CDH4: variants seen among roughly 807,000 people sequenced by gnomAD.
CDH4 encodes the protein cadherin-4.
A neutral mutation model predicts 86.0 loss-of-function variants in CDH4; 33 were observed. That is an observed-to-expected ratio of 0.38 (90% CI 0.29 to 0.51). CDH4 has a LOEUF of 0.51. Ranked by LOEUF, CDH4 falls within the 20% of genes least tolerant of loss-of-function variation. CDH4 has a pLI of 0.86. For synonymous variants in CDH4, 555 were observed against 549.4 expected (o/e 1.01, Z -0.14); for missense variants, 1,114 against 1,307.4 (o/e 0.85, Z 2.28).
chr20:61,542,019 C>T (rs1370819391), intron 2 of CDH4, among the ~76,000 whole-genome samples: 1 of 152,154 alleles, frequency 6.6e-6, no homozygotes, highest in African/African-American at 2.4e-5. Flanking sequence ...ATTTAACTGA[C>T]CTTGAGCCTG....
At chr20:61,314,742 CGGA>C (rs967246146) in intron 2 of CDH4, among the ~76,000 whole-genome samples, 2 of 152,096 alleles carry the variant, frequency 1.3e-5, no homozygotes, top group Non-Finnish European at 2.9e-5. Flanking sequence ...CCAGCAACAG[CGGA>C]GGAGGAGGAG....
At position 61,761,189 on chromosome 20, in the gene CDH4, CAG is replaced by C. The variant is rs561522617; in HGVS notation, c.397-11813_397-11812del. Among the ~76,000 whole-genome samples the C allele has an allele frequency of 1.2e-3, 182 of 152,284 alleles. 1 individual carries two copies. Among genetic ancestry groups the C allele is most frequent in the African/African-American group, 4.2e-3 (175 of 41,562 alleles). ...TTTTTAAAAGAAATCTAATCATCCTCAGTAAATATCCGTACTAGGTTTGACAT... is the reference window on the plus strand; with the variant it reads ...TTTTTAAAAGAAATCTAATCATCCTCTAAATATCCGTACTAGGTTTGACAT... On this transcript the variant is annotated intron_variant, in intron 3 of 15. Transcript: ENST00000614565.
intron 2 of CDH4, among the ~76,000 whole-genome samples, chr20:61,301,044 C>G (rs763576837): frequency 1.3e-5 from 2 of 152,210 alleles, no homozygotes; most frequent in African/African-American, 2.4e-5. Context: ...TCAAAGCTCA[C>G]GACTCTTACC....
At chr20:61,576,829 C>T (rs2086385840) in intron 2 of CDH4, among the ~76,000 whole-genome samples, 1 of 152,208 alleles carries the variant, frequency 6.6e-6, no homozygotes, top group Non-Finnish European at 1.5e-5. Context: ...TGTACCTCTC[C>T]ACAGTTTGTT....
intron 14 of CDH4, 33 bp from the exon 15 acceptor site, chr20:61,934,023 A>G (rs776047766): frequency 6.2e-7 from 1 of 1,607,008 alleles, no homozygotes; most frequent in Admixed American, 1.7e-5. Flanking sequence ...GATTCTTCTG[A>G]TGCCCCTGAC....
intron 11 of CDH4, among the ~76,000 whole-genome samples, chr20:61,925,959 C>T (rs962274665): frequency 5.3e-5 from 8 of 152,224 alleles, no homozygotes; most frequent in Non-Finnish European, 1.0e-4. Flanking sequence ...CCCCCAGCTG[C>T]AAGGGGCGCT....
At chr20:61,719,920 A>C (rs1330720599) in intron 2 of CDH4, among the ~76,000 whole-genome samples, 15 of 152,214 alleles carry the variant, frequency 9.9e-5, no homozygotes. Context: ...TGTGAACAGC[A>C]GAAAAGGTGA....
intron 2 of CDH4, among the ~76,000 whole-genome samples, chr20:61,408,563 G>A (rs73915019): frequency 0.045 from 6,808 of 152,264 alleles, 471 homozygotes; most frequent in African/African-American, 0.16. Context: ...CATTGCCTGT[G>A]TGTAGTGCCC....
At chr20:61,512,704 G>A (rs550831201) in intron 2 of CDH4, among the ~76,000 whole-genome samples, 2 of 152,242 alleles carry the variant, frequency 1.3e-5, no homozygotes, top group Non-Finnish European at 2.9e-5. Flanking sequence ...TTTCTCAGTG[G>A]TGCCTGGGGA....
chr20:61,560,234 A>T (rs972568763), intron 2 of CDH4, among the ~76,000 whole-genome samples: 1 of 152,114 alleles, frequency 6.6e-6, no homozygotes, highest in African/African-American at 2.4e-5. Flanking sequence ...AGGCCCGGGT[A>T]GCAGATTTAA....
intron 2 of CDH4, among the ~76,000 whole-genome samples, chr20:61,537,935 G>A (rs2086009990): frequency 6.6e-6 from 1 of 152,174 alleles, no homozygotes; most frequent in Admixed American, 6.5e-5. Flanking sequence ...CTGCATCCCT[G>A]GGAACTACCA....
intron 2 of CDH4, among the ~76,000 whole-genome samples, chr20:61,275,361 C>T (rs1320802065): frequency 5.2e-5 from 4 of 76,346 alleles, no homozygotes; most frequent in Non-Finnish European, 7.0e-5. Context: ...GGGGGAGTAC[C>T]GTGAAGCAGT....
chr20:61,848,673 C>T (rs1432384495), intron 5 of CDH4, among the ~76,000 whole-genome samples: 1 of 152,112 alleles, frequency 6.6e-6, no homozygotes, highest in Non-Finnish European at 1.5e-5. Flanking sequence ...CTACAGGCAC[C>T]CGCCACCACG....
At chr20:61,848,087 G>A (rs928659545) in intron 5 of CDH4, among the ~76,000 whole-genome samples, 32 of 152,270 alleles carry the variant, frequency 2.1e-4, no homozygotes, top group African/African-American at 7.5e-4. Context: ...CAGGAAAGGT[G>A]CAGTGCCTCT....
chr20:61,636,264 C>G (rs1301348395), intron 2 of CDH4, among the ~76,000 whole-genome samples: 2 of 152,204 alleles, frequency 1.3e-5, no homozygotes, highest in African/African-American at 4.8e-5. Flanking sequence ...AAAAGCACTC[C>G]CAGAGCCTCT....
In CDH4 at chr20:61,677,361, C is replaced by T. The variant is rs146295482; in HGVS notation, c.170-66202C>T. On this transcript the variant is annotated intron_variant, in intron 2 of 15. Coordinates refer to ENST00000614565, the MANE Select transcript of CDH4 (RefSeq NM_001794.5). ...CAGCAAACGTGCTCAACCCTCAGCA[C>T]CAGGCACACAGAGAAAGCGGCCTCC... is the stretch of plus-strand genomic sequence containing the variant. 4.2e-3 allele frequency among the ~76,000 whole-genome samples: 634 copies of T among 152,320 alleles called. 6 individuals are homozygous for T. Among genetic ancestry groups the T allele is most frequent in the South Asian group, 0.023 (112 of 4,810 alleles).
intron 2 of CDH4, among the ~76,000 whole-genome samples, chr20:61,723,229 T>C (rs2088062636): frequency 6.6e-6 from 1 of 152,128 alleles, no homozygotes; most frequent in African/African-American, 2.4e-5. Flanking sequence ...TGGAGGGAAG[T>C]GGACCCTTGG....
At chr20:61,779,403 CCA>C (rs1312402547) in intron 4 of CDH4, among the ~76,000 whole-genome samples, 4 of 152,172 alleles carry the variant, frequency 2.6e-5, no homozygotes, top group African/African-American at 7.2e-5. Flanking sequence ...GGAGGTCGCT[CCA>C]CAGTCGCGGA....
intron 2 of CDH4, among the ~76,000 whole-genome samples, chr20:61,559,082 G>A (rs1334732725): frequency 6.6e-6 from 1 of 152,226 alleles, no homozygotes; most frequent in African/African-American, 2.4e-5. Context: ...ACTTTGGGAG[G>A]CTGAGGTGGG....
Sources: gnomAD v4.1 joint callset for allele counts (sites outside exome capture counted in the v4.1 genomes callset) on GRCh38, gnomAD v4.1.1 for gene constraint, MANE v1.5 for transcripts, NCBI Gene and HGNC (gene_info 2026-07-23, HGNC 2026-07-21) for gene names.